The following CRACR2A variants were observed in gnomAD, a reference collection of about 807,000 sequenced individuals.
The protein encoded by CRACR2A is calcium release activated channel regulator 2A.
In CRACR2A, 79 loss-of-function variants were observed where a neutral mutation model predicts 90.5. That is an observed-to-expected ratio of 0.87 (90% CI 0.73 to 1.05). CRACR2A has a LOEUF of 1.05. CRACR2A is among the 50% of genes least tolerant of loss of function. CRACR2A has a pLI of 0.00. For missense variants in CRACR2A, 823 were observed against 897.2 expected (o/e 0.92, Z 1.06); for synonymous variants, 338 against 356.7 (o/e 0.95, Z 0.59).
intron 2 of CRACR2A, among the ~76,000 whole-genome samples, chr12:3,724,241 A>T (rs1946227306): frequency 6.6e-6 from 1 of 152,128 alleles, no homozygotes; most frequent in African/African-American, 2.4e-5. Context: ...ACTGTTCAAA[A>T]CAACACCTGG....
intron 3 of CRACR2A, among the ~76,000 whole-genome samples, chr12:3,697,930 A>G (rs1466247563): frequency 1.3e-5 from 2 of 152,156 alleles, no homozygotes; most frequent in Non-Finnish European, 2.9e-5. Flanking sequence ...GATGTGGAAG[A>G]GGGCATACGG....
intron 3 of CRACR2A, among the ~76,000 whole-genome samples, chr12:3,703,942 G>A (rs374129251): frequency 2.0e-5 from 3 of 152,354 alleles, no homozygotes; most frequent in East Asian, 1.9e-4. Flanking sequence ...TGGCAAAGAT[G>A]TGGAGCACCT....
rs995298924 is a variant in CRACR2A at position 3,713,264 on chromosome 12, C to A, written c.-64G>T. 13 of 985,292 alleles carry A rather than the reference C, an allele frequency of 1.3e-5. No homozygotes were observed. The African/African-American group carries it at 2.1e-4, about 16-fold the overall frequency. The allele number at this position is 985,292 out of a possible 1,614,324, so 61.0% of individuals were successfully genotyped here. A position where few individuals can be genotyped will look rare whatever the true frequency, so the allele number is the denominator to read the frequency against. Reference sequence around the variant, plus strand: ...TGCAGCTCCCGGCTCCTCGGAGGACCTGCAACTCTTCACACCTGGAGGGTA... The same window carrying A: ...TGCAGCTCCCGGCTCCTCGGAGGACATGCAACTCTTCACACCTGGAGGGTA... On this transcript the variant is annotated 5_prime_UTR_variant, in exon 3 of 20. It adds an upstream start codon to the 5' untranslated region. Coordinates refer to ENST00000440314, the MANE Select transcript of CRACR2A (RefSeq NM_001144958.2).
chr12:3,698,103 A>G (rs896645263), intron 3 of CRACR2A, among the ~76,000 whole-genome samples: 2 of 152,236 alleles, frequency 1.3e-5, no homozygotes, highest in African/African-American at 4.8e-5. Flanking sequence ...TCGCCACATC[A>G]TAAAATGTTA....
chr12:3,661,456 C>A (rs990822190), intron 7 of CRACR2A, among the ~76,000 whole-genome samples: 5 of 152,198 alleles, frequency 3.3e-5, no homozygotes, highest in African/African-American at 1.2e-4. Flanking sequence ...CAAGCTGGGA[C>A]CCCGTCTTCA....
chr12:3,648,000 T>C (rs1591654062), intron 11 of CRACR2A: 1 of 985,722 alleles, frequency 1.0e-6, no homozygotes, highest in South Asian at 4.7e-5. Context: ...AGCTTTTTCT[T>C]GGTGCTCTGT....
intron 15 of CRACR2A, among the ~76,000 whole-genome samples, chr12:3,630,098 C>T (rs1274660647): frequency 2.0e-5 from 3 of 152,164 alleles, no homozygotes; most frequent in South Asian, 2.1e-4. Flanking sequence ...TCTCTCTCCT[C>T]ATCGGTAGAC....
chr12:3,748,163 G>C (rs1189555722), intron 1 of CRACR2A, among the ~76,000 whole-genome samples: 2 of 152,194 alleles, frequency 1.3e-5, no homozygotes, highest in Non-Finnish European at 2.9e-5. Flanking sequence ...TTTCCCACAA[G>C]TTCTCAGGCC....
At chr12:3,688,571 A>G (rs1945603880) in intron 4 of CRACR2A, among the ~76,000 whole-genome samples, 2 of 152,070 alleles carry the variant, frequency 1.3e-5, no homozygotes, top group Non-Finnish European at 2.9e-5. Flanking sequence ...TGTCAGTACC[A>G]TGCTGTTTTG....
intron 9 of CRACR2A, 69 bp downstream of exon 9, chr12:3,656,242 G>A: frequency 3.4e-6 from 5 of 1,478,590 alleles, no homozygotes; most frequent in Non-Finnish European, 4.7e-6. Flanking sequence ...GGCAGGGAAA[G>A]TGGGCAAGAG....
chr12:3,620,358 T>G (rs182168103), intron 17 of CRACR2A, among the ~76,000 whole-genome samples: 133 of 152,380 alleles, frequency 8.7e-4, no homozygotes, highest in Middle Eastern at 3.4e-3. Context: ...TAGAGGGACC[T>G]GTGGGATAAC....
rs566611821 is a variant in CRACR2A, at chr12:3,686,729, A to G, written c.229-6380T>C. Among the ~76,000 whole-genome samples the G allele has an allele frequency of 1.3e-5, 2 of 152,124 alleles. 1 individual carries two copies. The highest frequency in any genetic ancestry group is 4.2e-4 in the South Asian group (2 of 4,816). On this transcript the variant is annotated intron_variant, in intron 4 of 19. Coordinates refer to ENST00000440314, the MANE Select transcript of CRACR2A (RefSeq NM_001144958.2). ...AACCCTGCAAAGCAACATCTACCCC[A>G]ATTCTGTCTGGAGAGATCCCCAGGA...
At chr12:3,722,751 C>CATGAGATGATGAGACCTTTTT (rs1397832058) in intron 2 of CRACR2A, among the ~76,000 whole-genome samples, 25 of 152,192 alleles carry the variant, frequency 1.6e-4, no homozygotes, top group African/African-American at 4.8e-5. Flanking sequence ...ACTCTCTCAT[C>CATGAGATGATGAGACCTTTTT]CACTGGCTTT....
intron 3 of CRACR2A, among the ~76,000 whole-genome samples, chr12:3,708,441 T>C (rs893342540): frequency 1.3e-5 from 2 of 152,222 alleles, no homozygotes; most frequent in Non-Finnish European, 2.9e-5. Context: ...TTTTCTTTTT[T>C]TGAGACGGAG....
chr12:3,733,959 A>C (rs1444730150), intron 1 of CRACR2A, among the ~76,000 whole-genome samples: 1 of 134,386 alleles, frequency 7.4e-6, no homozygotes, highest in East Asian at 2.2e-4. Flanking sequence ...CCTAGACTGG[A>C]CACATTTTGC....
At chr12:3,723,466 G>A (rs565098141) in intron 2 of CRACR2A, among the ~76,000 whole-genome samples, 6 of 152,228 alleles carry the variant, frequency 3.9e-5, no homozygotes, top group African/African-American at 1.4e-4. Flanking sequence ...TGGAAACTGT[G>A]TGTGTTTGCA....
At chr12:3,659,704 G>T in intron 7 of CRACR2A, 50 bp from the exon 8 acceptor site, 1 of 1,469,158 alleles carries the variant, frequency 6.8e-7, no homozygotes, top group Non-Finnish European at 9.5e-7. Flanking sequence ...CTACTCCACA[G>T]CGGTAGCTCC....
At chr12:3,630,707 G>A (rs565685491) in intron 15 of CRACR2A, among the ~76,000 whole-genome samples, 4 of 152,296 alleles carry the variant, frequency 2.6e-5, no homozygotes, top group African/African-American at 7.2e-5. Flanking sequence ...TCCAAACCTC[G>A]CATTCTGCTA....
intron 2 of CRACR2A, chr12:3,730,615 C>T (rs975846815): frequency 6.6e-6 from 1 of 151,950 alleles, no homozygotes; most frequent in Admixed American, 6.6e-5. Context: ...GGATACTATG[C>T]CCCTGTAAAA....
Sources: gnomAD v4.1 joint callset for allele counts (sites outside exome capture counted in the v4.1 genomes callset) on GRCh38, gnomAD v4.1.1 for gene constraint, MANE v1.5 for transcripts, NCBI Gene and HGNC (gene_info 2026-07-23, HGNC 2026-07-21) for gene names.